The following ADAR variants were observed in gnomAD, a reference collection of about 807,000 sequenced individuals.
ADAR encodes adenosine deaminase RNA specific.
Under a neutral mutation model 113.2 loss-of-function variants are expected in ADAR, and 41 were observed. The ratio of observed to expected loss-of-function variants is 0.36; its 90% CI spans 0.28 to 0.47. The LOEUF is 0.47. ADAR is among the 20% of genes least tolerant of loss of function. The pLI, the probability that ADAR is intolerant of heterozygous loss-of-function variation, is 1.00. For missense variants in ADAR, 1,242 were observed against 1,540.9 expected (o/e 0.81, Z 3.25); for synonymous variants, 605 against 572.6 (o/e 1.06, Z -0.81).
At chr1:154,592,476 G>C in intron 6 of ADAR, among the ~76,000 whole-genome samples, 1 of 152,218 alleles carries the variant, frequency 6.6e-6, no homozygotes, top group African/African-American at 2.4e-5. Flanking sequence ...TCAGTTAGGA[G>C]GCTATTGTGA....
At chr1:154,599,099 A>G (rs371757172) in intron 2 of ADAR, among the ~76,000 whole-genome samples, 5 of 152,140 alleles carry the variant, frequency 3.3e-5, no homozygotes, top group East Asian at 3.9e-4. Flanking sequence ...CCCTAGACCT[A>G]TATCACCGTA....
intron 1 of ADAR, among the ~76,000 whole-genome samples, chr1:154,623,872 G>A (rs1383418256): frequency 6.6e-6 from 1 of 151,954 alleles, no homozygotes; most frequent in Non-Finnish European, 1.5e-5. Context: ...GGGTAGTGAC[G>A]GGCTCCTGTA....
At position 154,601,520 on chromosome 1, in the gene ADAR, T is replaced by C. The variant is rs2101639912; in HGVS notation, c.1122A>G (p.Glu374=). Residue 374 remains glutamate (E), a synonymous_variant, in exon 2 of 15, where the codon GAA becomes GAG. Transcript: ENST00000368474. The surrounding 1 kb of genome is among the most constrained non-coding windows in gnomAD (Gnocchi z 4.7). ...TCTCAGGGATTGCAGCTGGAGCGGT[T>C]TCAGGAACACTGTTCGTATTTCTCT... is the stretch of plus-strand genomic sequence containing the variant. ...QIKRNTNSVP[E]TAPAAIPETK... The C allele has an allele frequency of 1.9e-6, 3 of 1,613,750 alleles. No homozygotes were observed. Among genetic ancestry groups the C allele is most frequent in the Non-Finnish European group, 2.5e-6 (3 of 1,180,018 alleles).
chr1:154,592,157 T>C (rs1697189852), intron 6 of ADAR, among the ~76,000 whole-genome samples: 2 of 152,220 alleles, frequency 1.3e-5, no homozygotes, highest in African/African-American at 2.4e-5. Flanking sequence ...CTCAGCCTCT[T>C]TGCCAGCTCT....
At position 154,602,340 on chromosome 1, in the gene ADAR, C is replaced by G. The variant is rs763972905; in HGVS notation, c.302G>C (p.Ser101Thr). The change falls in exon 2 of 15, where the codon AGT (serine) becomes ACT (threonine). Residue 101 changes from serine to threonine, a missense_variant. By Grantham distance (58) the Ser-to-Thr change is moderately conservative (BLOSUM62 1). Coordinates refer to ENST00000368474, the MANE Select transcript of ADAR (RefSeq NM_001111.5). Reference protein sequence around the residue: ...RGVPRGVHLRSQGLQRGFQHP... With the variant: ...RGVPRGVHLRTQGLQRGFQHP... Reference sequence around the variant, plus strand: ...CTGGAACCCTCTCTGGAGCCCCTGACTTCTGAGATGCACGCCCCTGGGGAC... The same window carrying G: ...CTGGAACCCTCTCTGGAGCCCCTGAGTTCTGAGATGCACGCCCCTGGGGAC... 12 of 1,610,688 alleles carry G rather than the reference C, an allele frequency of 7.5e-6. No homozygotes were observed. The highest frequency in any genetic ancestry group is 1.7e-6 in the Non-Finnish European group (2 of 1,178,242).
chr1:154,626,708 T>C (rs1698947341), intron 1 of ADAR, among the ~76,000 whole-genome samples: 2 of 152,214 alleles, frequency 1.3e-5, no homozygotes, highest in Non-Finnish European at 2.9e-5. Flanking sequence ...ATTATCTTCA[T>C]TTTGTAGATA....
At chr1:154,585,177 G>A in intron 14 of ADAR, 40 bp downstream of exon 14, 1 of 1,614,118 alleles carries the variant, frequency 6.2e-7, no homozygotes, top group Non-Finnish European at 8.5e-7. Context: ...GCAAGTCAGG[G>A]CAGAGGCTTG....
At chr1:154,598,040 A>G (rs772930154) in intron 3 of ADAR, 64 bp from the exon 4 acceptor site, 197 of 1,555,506 alleles carry the variant, frequency 1.3e-4, no homozygotes, top group Non-Finnish European at 1.4e-4. Flanking sequence ...CCATCACAGA[A>G]GAAGGGATGG....
chr1:154,597,191 T>A lies in ADAR; in HGVS notation c.2011A>T (p.Met671Leu). The change falls in exon 5 of 15, where the codon ATG (methionine) becomes TTG (leucine). Residue 671 changes from methionine to leucine, a missense_variant. Physicochemically the swap from Met to Leu is conservative, Grantham distance 15. This residue lies in a region of ADAR where 780 missense variants were observed against 1,057.9 expected (regional missense o/e 0.74). Transcript: ENST00000368474. ...GCCTTCATGGCTTCCTCTGCGGCCATCTGCTTTGCCACTTTCTTGCTGGGA... is the reference window on the plus strand; with the variant it reads ...GCCTTCATGGCTTCCTCTGCGGCCAACTGCTTTGCCACTTTCTTGCTGGGA... ...SAPSKKVAKQ[M>L]AAEEAMKALH... The A allele has an allele frequency of 6.2e-7, 1 of 1,614,206 alleles. No individual in the cohort carries two copies. Among genetic ancestry groups the A allele is most frequent in the Non-Finnish European group, 8.5e-7 (1 of 1,180,038 alleles).
chr1:154,607,424 T>G (rs1261312065), intron 1 of ADAR, among the ~76,000 whole-genome samples: 1 of 152,174 alleles, frequency 6.6e-6, no homozygotes. Flanking sequence ...ACAGCTTAAG[T>G]GCCATTTTTA....
intron 1 of ADAR, among the ~76,000 whole-genome samples, chr1:154,615,912 T>C (rs928243128): frequency 1.3e-5 from 2 of 152,210 alleles, no homozygotes; most frequent in Non-Finnish European, 2.9e-5. Flanking sequence ...TTTAGTAAGA[T>C]TGTGTTTTGT....
At chr1:154,594,325 T>C (rs1697358615) in intron 6 of ADAR, among the ~76,000 whole-genome samples, 1 of 152,116 alleles carries the variant, frequency 6.6e-6, no homozygotes, top group African/African-American at 2.4e-5. Context: ...AATAAAAGTG[T>C]CCCTCCTTCC....
chr1:154,624,385 A>C (rs1698878033), intron 1 of ADAR, among the ~76,000 whole-genome samples: 1 of 152,154 alleles, frequency 6.6e-6, no homozygotes, highest in South Asian at 2.1e-4. Flanking sequence ...GGTAGCTTCA[A>C]GGTAACCAGA....
intron 1 of ADAR, among the ~76,000 whole-genome samples, chr1:154,620,055 T>C (rs1009119695): frequency 1.3e-5 from 2 of 152,178 alleles, no homozygotes; most frequent in African/African-American, 4.8e-5. Context: ...ATGAAAAAGT[T>C]CTGGAGATTT....
In ADAR at chr1:154,601,095, C is replaced by G; in HGVS notation, c.1547G>C (p.Ser516Thr). The part of the protein sequence containing the change: ...SGLLEYAQFA[S>T]QTCEFNMIEQ... ...TATCATGTTGAACTCACAGGTTTGA[C>G]TAGCGAACTGGGCATATTCTAACAG... The change falls in exon 2 of 15, where the codon AGT (serine) becomes ACT (threonine). Residue 516 changes from serine to threonine, a missense_variant. By Grantham distance (58) the Ser-to-Thr change is moderately conservative. Coordinates refer to ENST00000368474, the MANE Select transcript of ADAR (RefSeq NM_001111.5). This position sits in a 1 kb window ranked among gnomAD's most constrained non-coding sequence, Gnocchi z 4.7. The G allele has an allele frequency of 3.1e-6, 5 of 1,614,210 alleles. No individual in the cohort carries two copies. The highest frequency in any genetic ancestry group is 4.2e-6 in the Non-Finnish European group (5 of 1,180,044).
At position 154,601,499 on chromosome 1, in the gene ADAR, A is replaced by G; in HGVS notation, c.1143T>C (p.Pro381=). Residue 381 remains proline (P), a synonymous_variant, in exon 2 of 15, where the codon CCT becomes CCC. Coordinates refer to ENST00000368474, the MANE Select transcript of ADAR (RefSeq NM_001111.5). The surrounding 1 kb of genome is among the most constrained non-coding windows in gnomAD (Gnocchi z 4.7). ...GGAACTCTGCGTTTCTTTTGGTCTC[A>G]GGGATTGCAGCTGGAGCGGTTTCAG... ...SVPETAPAAI[P]ETKRNAEFLT... 1 of 1,614,064 alleles carries G rather than the reference A, an allele frequency of 6.2e-7. No individual in the cohort carries two copies. Among genetic ancestry groups the G allele is most frequent in the Non-Finnish European group, 8.5e-7 (1 of 1,180,018 alleles).
intron 14 of ADAR, 49 bp from the exon 15 acceptor site, chr1:154,585,092 G>A: frequency 1.2e-6 from 2 of 1,610,152 alleles, no homozygotes; most frequent in Non-Finnish European, 1.7e-6. Flanking sequence ...GTAAGATAAG[G>A]AGCTCACAGT....
intron 1 of ADAR, 46 bp downstream of exon 1, chr1:154,607,946 A>G: frequency 6.2e-7 from 1 of 1,610,836 alleles, no homozygotes; most frequent in Non-Finnish European, 8.5e-7. Context: ...GTGAGGTTGT[A>G]AACGAACCCA....
intron 7 of ADAR, 25 bp downstream of exon 7, chr1:154,590,140 GACCCCCCCGCCCCAAAAAA>G: frequency 1.5e-6 from 2 of 1,373,150 alleles, no homozygotes; most frequent in Non-Finnish European, 2.0e-6. Context: ...GAGTTAGGAG[GACCCCCCCGCCCCAAAAAA>G]GGCACCAAAA....
Sources: gnomAD v4.1 joint callset for allele counts (sites outside exome capture counted in the v4.1 genomes callset) on GRCh38, gnomAD v4.1.1 for gene constraint, gnomAD v4.1.1 regional missense constraint, Gnocchi (gnomAD v3.1) non-coding constraint, MANE v1.5 for transcripts, NCBI Gene and HGNC (gene_info 2026-07-23, HGNC 2026-07-21) for gene names.